ITPK1: variants seen among roughly 807,000 people sequenced by gnomAD.
ITPK1 encodes the protein inositol-tetrakisphosphate 1-kinase, also known as inositol 1,3,4-trisphosphate 5/6-kinase.
Under a neutral mutation model 45.3 loss-of-function variants are expected in ITPK1, and 21 were observed. That is an observed-to-expected ratio of 0.46 (90% CI 0.33 to 0.67). The LOEUF (loss-of-function observed/expected upper bound fraction) is 0.67, where lower values mean the gene tolerates loss of function less well. ITPK1 is among the 30% of genes least tolerant of loss of function. The pLI is 0.02. For synonymous variants in ITPK1, 258 were observed against 253.6 expected, an observed-to-expected ratio of 1.02 and a Z score of -0.16; for missense variants, 474 against 573.5, an observed-to-expected ratio of 0.83 and a Z score of 1.77.
intron 3 of ITPK1, among the ~76,000 whole-genome samples, chr14:93,031,141 G>T (rs1889031100): frequency 2.0e-5 from 3 of 152,148 alleles, no homozygotes; most frequent in Admixed American, 2.0e-4. Flanking sequence ...ACTGGCAAAT[G>T]AATCCAAGGC....
In ITPK1 at chr14:92,958,162, G is replaced by A. The variant is rs780442255; in HGVS notation, c.670+39C>T. 16 of 1,605,800 alleles carry A rather than the reference G, an allele frequency of 1.0e-5. No individual in the cohort carries two copies. The highest frequency in any genetic ancestry group is 1.3e-5 in the Non-Finnish European group (15 of 1,172,816). ...GCTGCCACATCCCAGCTGGGCCCCT[G>A]AGTCTTGCTCAGCCCAAGATGGTGA... On this transcript the variant is annotated intron_variant, in intron 8 of 10. Transcript: ENST00000267615. This position sits in a 1 kb window ranked among gnomAD's most constrained non-coding sequence, Gnocchi z 4.4.
chr14:93,052,891 C>A (rs147192947), intron 3 of ITPK1, among the ~76,000 whole-genome samples: 1,887 of 151,434 alleles, frequency 0.012, 39 homozygotes, highest in African/African-American at 0.044. Flanking sequence ...CCCAACCACA[C>A]CTTTCGTCAC....
intron 8 of ITPK1, among the ~76,000 whole-genome samples, chr14:92,953,103 G>A (rs536816643): frequency 2.0e-3 from 308 of 152,354 alleles, no homozygotes; most frequent in Non-Finnish European, 3.5e-3. Flanking sequence ...GCTGAGGGCC[G>A]CTGCGTGCTG....
At chr14:92,947,245 T>C (rs994113941) in intron 9 of ITPK1, among the ~76,000 whole-genome samples, 4 of 152,232 alleles carry the variant, frequency 2.6e-5, no homozygotes, top group African/African-American at 9.6e-5. Context: ...GAGAGGCTGC[T>C]CTGCTGCTCC....
intron 2 of ITPK1, among the ~76,000 whole-genome samples, chr14:93,084,322 A>G (rs2139995943): frequency 6.6e-6 from 1 of 152,354 alleles, no homozygotes; most frequent in South Asian, 2.1e-4. Flanking sequence ...GAGATTTAGC[A>G]ACACCTGAAG....
intron 4 of ITPK1, among the ~76,000 whole-genome samples, chr14:93,000,937 C>T (rs1209349190): frequency 7.4e-6 from 1 of 135,074 alleles, no homozygotes; most frequent in African/African-American, 2.9e-5. Flanking sequence ...CACCACTCCA[C>T]TTCACTCCAG....
chr14:93,043,545 AG>A (rs1889652641), intron 3 of ITPK1, among the ~76,000 whole-genome samples: 1 of 152,228 alleles, frequency 6.6e-6, no homozygotes, highest in South Asian at 2.1e-4. Flanking sequence ...CCAAGGCAGC[AG>A]GGCAGCCTCC....
chr14:92,948,926 A>T (rs1226261937), intron 9 of ITPK1, among the ~76,000 whole-genome samples: 3 of 152,074 alleles, frequency 2.0e-5, no homozygotes, highest in Non-Finnish European at 4.4e-5. Flanking sequence ...GATATCACCC[A>T]CGCTCTGAGG....
chr14:92,990,042 C>T (rs1476913031), intron 5 of ITPK1, among the ~76,000 whole-genome samples: 1 of 152,220 alleles, frequency 6.6e-6, no homozygotes. Flanking sequence ...TCTTGGAAGA[C>T]TGCTAATGCT....
At chr14:92,983,308 A>G (rs978703348) in intron 5 of ITPK1, among the ~76,000 whole-genome samples, 6 of 152,082 alleles carry the variant, frequency 3.9e-5, no homozygotes, top group African/African-American at 1.4e-4. Flanking sequence ...CGCTCCCAAA[A>G]CATGGCAGCC....
At chr14:93,064,006 G>A (rs1022421149) in intron 3 of ITPK1, among the ~76,000 whole-genome samples, 7 of 152,058 alleles carry the variant, frequency 4.6e-5, no homozygotes, top group South Asian at 2.1e-4. Flanking sequence ...AAAATTGGCC[G>A]GGCATGGTGG....
At chr14:93,001,578 C>T (rs1475151122) in intron 4 of ITPK1, among the ~76,000 whole-genome samples, 1 of 152,194 alleles carries the variant, frequency 6.6e-6, no homozygotes, top group Non-Finnish European at 1.5e-5. Flanking sequence ...GCGTGCCACA[C>T]CCAGAGGAAA....
intron 3 of ITPK1, among the ~76,000 whole-genome samples, chr14:93,050,362 A>G (rs576983574): frequency 6.6e-6 from 1 of 152,106 alleles, no homozygotes; most frequent in Non-Finnish European, 1.5e-5. Flanking sequence ...GCCCCCGAAT[A>G]TGTCCTGTCT....
At chr14:92,998,131 G>C (rs1246516101) in intron 4 of ITPK1, among the ~76,000 whole-genome samples, 1 of 152,204 alleles carries the variant, frequency 6.6e-6, no homozygotes, top group Non-Finnish European at 1.5e-5. Context: ...CTCATCCTGG[G>C]TAAGGTCCAT....
At chr14:92,991,124 A>G (rs1886765987) in intron 5 of ITPK1, among the ~76,000 whole-genome samples, 1 of 152,184 alleles carries the variant, frequency 6.6e-6, no homozygotes, top group Admixed American at 6.5e-5. Flanking sequence ...AGGGAACTTC[A>G]AGGGTAATTA....
At chr14:92,964,555 C>G (rs1429548694) in intron 5 of ITPK1, among the ~76,000 whole-genome samples, 1 of 152,240 alleles carries the variant, frequency 6.6e-6, no homozygotes, top group Non-Finnish European at 1.5e-5. Flanking sequence ...GCAAACACAC[C>G]GCCCCTGCAA....
intron 4 of ITPK1, among the ~76,000 whole-genome samples, chr14:92,996,945 G>A (rs1887085071): frequency 6.6e-6 from 1 of 152,160 alleles, no homozygotes; most frequent in African/African-American, 2.4e-5. Flanking sequence ...ATGCCCTTAG[G>A]GTCTCTGTAA....
intron 3 of ITPK1, among the ~76,000 whole-genome samples, chr14:93,037,717 G>C (rs1889380105): frequency 6.6e-6 from 1 of 152,232 alleles, no homozygotes; most frequent in Non-Finnish European, 1.5e-5. Flanking sequence ...CCCTTAACAT[G>C]ACCCAGCTGC....
intron 2 of ITPK1, among the ~76,000 whole-genome samples, chr14:93,111,741 G>C (rs1360097526): frequency 6.6e-6 from 1 of 151,660 alleles, no homozygotes; most frequent in African/African-American, 2.4e-5. Flanking sequence ...ACAAAGAGGG[G>C]GTGGTGTGGG....
Sources: allele counts gnomAD v4.1 joint callset (sites outside exome capture counted in the v4.1 genomes callset), GRCh38; gene constraint gnomAD v4.1.1; non-coding constraint Gnocchi (gnomAD v3.1); transcripts MANE v1.5; gene names NCBI Gene and HGNC (gene_info 2026-07-23, HGNC 2026-07-21).